Variants in ARK2C observed in about 807,000 individuals in gnomAD.
ARK2C encodes the protein E3 ubiquitin-protein ligase ARK2C.
At chr18:46,439,712 A>T in the ARK2C span, among the ~76,000 whole-genome samples, 1 of 145,614 alleles carries the variant, frequency 6.9e-6, no homozygotes, top group Admixed American at 6.8e-5. Context: ...ATTAAAAAAA[A>T]CCCTTTTTAT....
the ARK2C span, among the ~76,000 whole-genome samples, chr18:46,373,430 G>T: frequency 6.6e-6 from 1 of 152,244 alleles, no homozygotes. Context: ...CTCTCTCCAG[G>T]CCTTTTGACA....
chr18:46,368,507 G>C, the ARK2C span, among the ~76,000 whole-genome samples: 4 of 152,308 alleles, frequency 2.6e-5, no homozygotes, highest in Admixed American at 1.3e-4. Flanking sequence ...AGGTCACCTT[G>C]ATCAAAGCTT....
At chr18:46,375,698 C>T in the ARK2C span, among the ~76,000 whole-genome samples, 1 of 152,038 alleles carries the variant, frequency 6.6e-6, no homozygotes, top group East Asian at 1.9e-4. Context: ...CTCTTGTTCC[C>T]AGCAATTTTA....
the ARK2C span, among the ~76,000 whole-genome samples, chr18:46,377,871 G>C: frequency 2.6e-5 from 4 of 152,154 alleles, no homozygotes; most frequent in Non-Finnish European, 1.5e-5. Flanking sequence ...ACCATGTCTA[G>C]AGCAAAGGGT....
chr18:46,449,745 G>A, the ARK2C span, among the ~76,000 whole-genome samples: 3 of 152,142 alleles, frequency 2.0e-5, no homozygotes, highest in African/African-American at 7.2e-5. Context: ...TTCCACCATG[G>A]CTGTAGGTTT....
chr18:46,335,822 T>G, the ARK2C span: 3 of 936,924 alleles, frequency 3.2e-6, no homozygotes, highest in Non-Finnish European at 3.8e-6. Flanking sequence ...AACCGCAGTT[T>G]TTTGTGTGAT....
At chr18:46,419,246 G>T in the ARK2C span, among the ~76,000 whole-genome samples, 2 of 152,156 alleles carry the variant, frequency 1.3e-5, no homozygotes, top group Non-Finnish European at 2.9e-5. Context: ...AGGTGCAGGT[G>T]CTCTCAGAGT....
At chr18:46,362,184 G>A in the ARK2C span, among the ~76,000 whole-genome samples, 2 of 152,216 alleles carry the variant, frequency 1.3e-5, no homozygotes, top group Non-Finnish European at 2.9e-5. Flanking sequence ...TCCCCTCCAA[G>A]GTCAATCTTT....
At chr18:46,396,811 C>T in the ARK2C span, among the ~76,000 whole-genome samples, 6,252 of 152,280 alleles carry the variant, frequency 0.041, 412 homozygotes, top group African/African-American at 0.14. Flanking sequence ...CATCCAAGGA[C>T]GGGCGTGGTG....
At chr18:46,448,140 G>A in the ARK2C span, among the ~76,000 whole-genome samples, 5 of 135,790 alleles carry the variant, frequency 3.7e-5, no homozygotes, top group Non-Finnish European at 7.8e-5. Flanking sequence ...GCTTTCTTGT[G>A]TATCAACCCC....
At chr18:46,372,582 G>A in the ARK2C span, among the ~76,000 whole-genome samples, 4 of 152,338 alleles carry the variant, frequency 2.6e-5, no homozygotes, top group Non-Finnish European at 5.9e-5. Context: ...GTGAGGACAC[G>A]TGACCATGGT....
the ARK2C span, among the ~76,000 whole-genome samples, chr18:46,379,574 T>C: frequency 6.6e-6 from 1 of 152,232 alleles, no homozygotes; most frequent in African/African-American, 2.4e-5. Flanking sequence ...TGAGGCCTTC[T>C]CTTCCCACCA....
the ARK2C span, among the ~76,000 whole-genome samples, chr18:46,382,175 T>A: frequency 6.6e-6 from 1 of 152,190 alleles, no homozygotes; most frequent in African/African-American, 2.4e-5. Context: ...CACTTGGTTG[T>A]TGGTAACACC....
chr18:46,417,722 G>T, the ARK2C span, among the ~76,000 whole-genome samples: 4 of 152,160 alleles, frequency 2.6e-5, no homozygotes, highest in Non-Finnish European at 5.9e-5. Flanking sequence ...ATAACATAAG[G>T]CCGGGAGCGG....
the ARK2C span, among the ~76,000 whole-genome samples, chr18:46,349,848 C>G: frequency 2.6e-5 from 4 of 152,202 alleles, no homozygotes; most frequent in African/African-American, 9.7e-5. Context: ...CTCACATCAT[C>G]GTGCACCCAG....
chr18:46,336,274 C>A, the ARK2C span: 1 of 985,278 alleles, frequency 1.0e-6, no homozygotes, highest in Non-Finnish European at 1.2e-6. Context: ...ATTAATACCA[C>A]CAATCTCTAA....
At chr18:46,410,981 A>G in the ARK2C span, among the ~76,000 whole-genome samples, 1 of 152,212 alleles carries the variant, frequency 6.6e-6, no homozygotes, top group African/African-American at 2.4e-5. Flanking sequence ...CAGATGCCCA[A>G]GGCTCTGTCT....
chr18:46,420,050 C>A, the ARK2C span, among the ~76,000 whole-genome samples: 7 of 152,126 alleles, frequency 4.6e-5, no homozygotes, highest in African/African-American at 1.7e-4. Flanking sequence ...GACCCTGGCT[C>A]CCTCTGAAAG....
chr18:46,443,032 T>C, the ARK2C span, among the ~76,000 whole-genome samples: 1 of 152,242 alleles, frequency 6.6e-6, no homozygotes, highest in African/African-American at 2.4e-5. Flanking sequence ...TATCTACATA[T>C]TTATATCTTG....
Sources: gnomAD v4.1 joint callset for allele counts (sites outside exome capture counted in the v4.1 genomes callset) on GRCh38, gnomAD v4.1.1 for gene constraint, MANE v1.5 for transcripts, NCBI Gene and HGNC (gene_info 2026-07-23, HGNC 2026-07-21) for gene names.